Variants in USP49 observed in about 807,000 individuals in gnomAD.
The protein encoded by USP49 is ubiquitin carboxyl-terminal hydrolase 49.
USP49 carries 24 observed loss-of-function variants against 58.6 expected under a neutral mutation model. The ratio of observed to expected loss-of-function variants is 0.41; its 90% confidence interval spans 0.30 to 0.58. The LOEUF (loss-of-function observed/expected upper bound fraction) is 0.58. USP49 is among the 20% of genes least tolerant of loss of function. The pLI is 0.30. For missense variants in USP49, 703 were observed against 866.1 expected (o/e 0.81, Z 2.36); for synonymous variants, 408 against 365.1 (o/e 1.12, Z -1.34).
At chr6:41,855,540 G>C (rs1361589340) in intron 3 of USP49, among the ~76,000 whole-genome samples, 1 of 151,936 alleles carries the variant, frequency 6.6e-6, no homozygotes, top group Non-Finnish European at 1.5e-5. Context: ...ACAAACAAAA[G>C]AAAAGTACTT....
At chr6:41,837,382 C>A (rs1291792778) in intron 3 of USP49, among the ~76,000 whole-genome samples, 2 of 152,148 alleles carry the variant, frequency 1.3e-5, no homozygotes, top group African/African-American at 4.8e-5. Flanking sequence ...ATAAATGGCA[C>A]CGGAATAACT....
chr6:41,842,373 A>AAAAAC (rs1447002019), intron 3 of USP49, among the ~76,000 whole-genome samples: 1 of 152,136 alleles, frequency 6.6e-6, no homozygotes, highest in Non-Finnish European at 1.5e-5. Context: ...ACTCTGTCTC[A>AAAAAC]AAAACAAAAC....
chr6:41,809,795 C>T (rs1394171780), intron 3 of USP49, among the ~76,000 whole-genome samples: 31 of 143,212 alleles, frequency 2.2e-4, no homozygotes, highest in Middle Eastern at 4.8e-3. Context: ...CCACGGCACT[C>T]CAGCCTGGGT....
intron 3 of USP49, among the ~76,000 whole-genome samples, chr6:41,820,920 G>A (rs1773441746): frequency 1.3e-5 from 2 of 152,118 alleles, no homozygotes; most frequent in Non-Finnish European, 2.9e-5. Flanking sequence ...AGGATTGATT[G>A]AGCCCGAGAG....
intron 3 of USP49, among the ~76,000 whole-genome samples, chr6:41,834,467 T>A (rs959085299): frequency 6.6e-6 from 1 of 152,182 alleles, no homozygotes; most frequent in African/African-American, 2.4e-5. Context: ...ATGGTTTGGA[T>A]CTGTGTCCCC....
rs181325188 is a variant in USP49 at position 41,871,141 on chromosome 6, G to A, written c.-29+423C>T. ...GCAGAATTCTATTTGATTACCACCA[G>A]ACACACATCTGCACTTGCTCAAATG... On this transcript the variant is annotated intron_variant, in intron 3 of 7. Coordinates refer to ENST00000682992, the MANE Select transcript of USP49 (RefSeq NM_001286554.2). Among the ~76,000 whole-genome samples, 113 of 152,218 alleles carry A rather than the reference G, an allele frequency of 7.4e-4. 3 individuals carry two copies. Among genetic ancestry groups the A allele is most frequent in the Admixed American group, 6.7e-3 (103 of 15,274 alleles).
At chr6:41,852,779 T>A (rs906122446) in intron 3 of USP49, among the ~76,000 whole-genome samples, 4 of 152,216 alleles carry the variant, frequency 2.6e-5, no homozygotes, top group Non-Finnish European at 5.9e-5. Context: ...CCAATGTTCA[T>A]AGCAGCACTA....
intron 3 of USP49, among the ~76,000 whole-genome samples, chr6:41,832,178 C>G (rs1773646649): frequency 6.6e-6 from 1 of 152,130 alleles, no homozygotes; most frequent in Non-Finnish European, 1.5e-5. Context: ...GAACTTGACC[C>G]CAAATCTTTC....
chr6:41,813,180 T>A (rs899871316), intron 3 of USP49, among the ~76,000 whole-genome samples: 3 of 152,198 alleles, frequency 2.0e-5, no homozygotes, highest in African/African-American at 7.2e-5. Flanking sequence ...ACACTATCTT[T>A]AGCTTGCTCT....
intron 2 of USP49, among the ~76,000 whole-genome samples, chr6:41,885,585 G>C (rs1035890239): frequency 2.6e-5 from 4 of 152,054 alleles, no homozygotes; most frequent in Non-Finnish European, 5.9e-5. Flanking sequence ...GATCACTTGA[G>C]GTCAGGAGTT....
chr6:41,841,178 C>G (rs1282691148), intron 3 of USP49, among the ~76,000 whole-genome samples: 1 of 152,138 alleles, frequency 6.6e-6, no homozygotes, highest in Non-Finnish European at 1.5e-5. Context: ...CTCTTGCCTT[C>G]TCACCTTTGT....
At chr6:41,878,104 A>T (rs1287373274) in intron 2 of USP49, among the ~76,000 whole-genome samples, 1 of 152,220 alleles carries the variant, frequency 6.6e-6, no homozygotes, top group Non-Finnish European at 1.5e-5. Flanking sequence ...AAGATCAAAT[A>T]AGAAAATGTG....
intron 5 of USP49, among the ~76,000 whole-genome samples, chr6:41,802,381 A>ATTTAT (rs139113547): frequency 0.038 from 3,878 of 101,376 alleles, 271 homozygotes; most frequent in African/African-American, 0.1. Flanking sequence ...GTTTCCCACA[A>ATTTAT]TTTATTTTAT....
chr6:41,819,597 C>T (rs149222844), intron 3 of USP49, among the ~76,000 whole-genome samples: 28 of 152,320 alleles, frequency 1.8e-4, no homozygotes, highest in African/African-American at 6.7e-4. Context: ...TATTCAAACA[C>T]ATACACAGAT....
chr6:41,881,776 C>T (rs187153852), intron 2 of USP49, among the ~76,000 whole-genome samples: 206 of 152,066 alleles, frequency 1.4e-3, no homozygotes, highest in Non-Finnish European at 1.3e-3. Context: ...GTTTTCCTTC[C>T]TTTTCAAACT....
intron 3 of USP49, among the ~76,000 whole-genome samples, chr6:41,870,481 T>C (rs192427181): frequency 2.0e-5 from 3 of 152,304 alleles, no homozygotes. Flanking sequence ...TAAACTTGCA[T>C]AATTAAAAAA....
intron 4 of USP49, among the ~76,000 whole-genome samples, chr6:41,805,051 C>T (rs1168152175): frequency 3.9e-5 from 6 of 152,202 alleles, no homozygotes; most frequent in Non-Finnish European, 7.3e-5. Flanking sequence ...CCCGGCACAC[C>T]TGCCTTTTTT....
At chr6:41,863,160 C>T (rs185485717) in intron 3 of USP49, among the ~76,000 whole-genome samples, 4 of 152,278 alleles carry the variant, frequency 2.6e-5, no homozygotes, top group Admixed American at 2.0e-4. Flanking sequence ...ATATGGCACT[C>T]CTATTTACCT....
intron 3 of USP49, among the ~76,000 whole-genome samples, chr6:41,860,128 T>C (rs927564554): frequency 6.6e-6 from 1 of 152,220 alleles, no homozygotes; most frequent in Non-Finnish European, 1.5e-5. Context: ...CTTCCACCAG[T>C]GTATCCAATA....
Sources: gnomAD v4.1 joint callset for allele counts (sites outside exome capture counted in the v4.1 genomes callset) on GRCh38, gnomAD v4.1.1 for gene constraint, MANE v1.5 for transcripts, NCBI Gene and HGNC (gene_info 2026-07-23, HGNC 2026-07-21) for gene names.